Variants in AGAP1 observed in about 807,000 individuals in gnomAD.
AGAP1 encodes arf-GAP with GTPase, ANK repeat and PH domain-containing protein 1.
A neutral mutation model predicts 105.3 loss-of-function variants in AGAP1; 29 were observed. The observed-to-expected ratio is 0.28, with a 90% CI of 0.21 to 0.38. The LOEUF is 0.38. Among genes scored for constraint, AGAP1 ranks in the 10% least tolerant of loss-of-function variants. AGAP1 has a pLI of 1.00. For synonymous variants in AGAP1, 509 were observed against 485.9 expected, an observed-to-expected ratio of 1.05 and a Z score of -0.63; for missense variants, 998 against 1,165.1, an observed-to-expected ratio of 0.86 and a Z score of 2.09.
chr2:235,592,275 G>A (rs530346911), intron 1 of AGAP1, among the ~76,000 whole-genome samples: 80 of 152,212 alleles, frequency 5.3e-4, no homozygotes, highest in African/African-American at 1.7e-3. Context: ...GGCACCACGC[G>A]CCAGAAGGAG....
At chr2:235,522,227 T>A (rs114311809) in intron 1 of AGAP1, among the ~76,000 whole-genome samples, 1,937 of 152,298 alleles carry the variant, frequency 0.013, 31 homozygotes, top group African/African-American at 0.044. Flanking sequence ...AAGCTGGAGC[T>A]GTGGACAGGG....
chr2:235,718,483 T>C, intron 3 of AGAP1: 1 of 765,962 alleles, frequency 1.3e-6, no homozygotes, highest in Non-Finnish European at 1.6e-6. Flanking sequence ...CCTTCCCTCC[T>C]TGTTCTGTGT....
rs918012003 is a variant in AGAP1, at chr2:235,965,216, T to C, written c.1484-3246T>C. Among the ~76,000 whole-genome samples the C allele has an allele frequency of 1.3e-5, 2 of 152,192 alleles. No homozygotes were observed. Among genetic ancestry groups the C allele is most frequent in the Non-Finnish European group, 2.9e-5 (2 of 68,030 alleles). On this transcript the variant is annotated intron_variant, in intron 12 of 17. Coordinates refer to ENST00000304032, the MANE Select transcript of AGAP1 (RefSeq NM_001037131.3). This position sits in a 1 kb window ranked among gnomAD's most constrained non-coding sequence, Gnocchi z 5.8. The stretch of plus-strand genomic sequence containing the variant: ...GGAATGCAAAGGTCAGAGTGAGTGC[T>C]GTTTCTTGGGAGCCGGCTGCCGGGA...
chr2:235,853,052 G>T (rs1056325348), intron 9 of AGAP1: 1 of 1,239,160 alleles, frequency 8.1e-7, no homozygotes, highest in African/African-American at 1.5e-5. Flanking sequence ...TTCTATAGCG[G>T]GCAATTCAGT....
In AGAP1 at chr2:235,793,497, C is replaced by T. The variant is rs780184982; in HGVS notation, c.674-4262C>T. On this transcript the variant is annotated intron_variant, in intron 6 of 17. Transcript: ENST00000304032. This position sits in a 1 kb window ranked among gnomAD's most constrained non-coding sequence, Gnocchi z 5.3. ...GTGCTGGCAGGGTGTTCGATTGCCA[C>T]ATGGTGGTGTCATGAGCAGTCCCAG... 6.6e-6 allele frequency among the ~76,000 whole-genome samples: 1 copy of T among 152,156 alleles called. No homozygotes were observed. Among genetic ancestry groups the T allele is most frequent in the Non-Finnish European group, 1.5e-5 (1 of 68,040 alleles).
At chr2:236,084,855 G>A (rs934548823) in intron 16 of AGAP1, among the ~76,000 whole-genome samples, 33 of 151,824 alleles carry the variant, frequency 2.2e-4, no homozygotes, top group African/African-American at 7.3e-4. Flanking sequence ...GTTGAGCCAA[G>A]ATCATGCCAT....
At position 235,792,631 on chromosome 2, in the gene AGAP1, ACT is replaced by A. The variant is rs1233380337; in HGVS notation, c.674-5125_674-5124del. Reference sequence around the variant, plus strand: ...GGCAGTGAAGACGAATTTCTGAGAAACTCTGGTGGTTGAACCAATCATCTGTT... The same window carrying A: ...GGCAGTGAAGACGAATTTCTGAGAAACTGGTGGTTGAACCAATCATCTGTT... On this transcript the variant is annotated intron_variant, in intron 6 of 17. Coordinates refer to ENST00000304032, the MANE Select transcript of AGAP1 (RefSeq NM_001037131.3). The surrounding 1 kb of genome is among the most constrained non-coding windows in gnomAD (Gnocchi z 5.3). 1.3e-5 allele frequency among the ~76,000 whole-genome samples: 2 copies of A among 151,952 alleles called. No individual in the cohort carries two copies. Among genetic ancestry groups the A allele is most frequent in the Non-Finnish European group, 2.9e-5 (2 of 67,992 alleles).
At chr2:235,794,226 C>A in intron 6 of AGAP1, among the ~76,000 whole-genome samples, 1 of 152,148 alleles carries the variant, frequency 6.6e-6, no homozygotes, top group East Asian at 1.9e-4. Flanking sequence ...TATCTTTTAT[C>A]TGTTAACCCA....
In AGAP1 at chr2:235,752,110, A is replaced by C. The variant is rs1460566762; in HGVS notation, c.673+1622A>C. ...CTGCCGAGGCCCCTGTGAATGTTGA[A>C]GTAAAGCGTCGTAGATGAAGGGTCC... On this transcript the variant is annotated intron_variant, in intron 6 of 17. Transcript: ENST00000304032. This position sits in a 1 kb window ranked among gnomAD's most constrained non-coding sequence, Gnocchi z 4.3. 6.6e-6 allele frequency among the ~76,000 whole-genome samples: 1 copy of C among 152,210 alleles called. No individual in the cohort carries two copies. The highest frequency in any genetic ancestry group is 2.4e-5 in the African/African-American group (1 of 41,456).
chr2:235,846,039 A>T (rs1961449147), intron 9 of AGAP1, among the ~76,000 whole-genome samples: 1 of 152,178 alleles, frequency 6.6e-6, no homozygotes, highest in African/African-American at 2.4e-5. Flanking sequence ...AAAAATTTTA[A>T]TTTCACTATA....
Position 235,767,329 on chromosome 2 carries a change from C to T in AGAP1, c.673+16841C>T, listed in dbSNP as rs371076080. Among the ~76,000 whole-genome samples the T allele has an allele frequency of 3.3e-4, 51 of 152,324 alleles. 1 individual carries two copies. The highest frequency in any genetic ancestry group is 6.0e-4 in the African/African-American group (25 of 41,578). Reference sequence around the variant, plus strand: ...TGATTGGCCAGGCACCTCACGTTAGCGTCTGCAGCCTTGAATCGGGAGGCA... The same window carrying T: ...TGATTGGCCAGGCACCTCACGTTAGTGTCTGCAGCCTTGAATCGGGAGGCA... On this transcript the variant is annotated intron_variant, in intron 6 of 17. Transcript: ENST00000304032.
At chr2:235,816,987 G>T (rs1326546219) in intron 9 of AGAP1, among the ~76,000 whole-genome samples, 1 of 152,192 alleles carries the variant, frequency 6.6e-6, no homozygotes, top group South Asian at 2.1e-4. Flanking sequence ...GTTCCTGACA[G>T]CAGACTCAGT....
intron 11 of AGAP1, among the ~76,000 whole-genome samples, chr2:235,916,473 T>C (rs557367401): frequency 3.9e-5 from 6 of 152,262 alleles, no homozygotes; most frequent in African/African-American, 1.2e-4. Context: ...CAATGCAGAG[T>C]TGTATTAGCT....
At chr2:235,670,351 T>C in intron 1 of AGAP1, 3 of 512,992 alleles carry the variant, frequency 5.8e-6, no homozygotes, top group Non-Finnish European at 1.0e-5. Context: ...AACCGGAGGG[T>C]CCCCGGCCGC....
rs567442372 is a variant in AGAP1 at position 235,644,300 on chromosome 2, C to T, written c.164-64879C>T. Reference sequence around the variant, plus strand: ...TGAGAGTGGGAAGAACGGAGCGGAGCCTGTTGCCAGCGCGATCTCTGTCCC... The same window carrying T: ...TGAGAGTGGGAAGAACGGAGCGGAGTCTGTTGCCAGCGCGATCTCTGTCCC... On this transcript the variant is annotated intron_variant, in intron 1 of 17. Transcript: ENST00000304032. Among the ~76,000 whole-genome samples, 9 of 152,274 alleles carry T rather than the reference C, an allele frequency of 5.9e-5. No homozygotes were observed. The East Asian group carries it at 9.6e-4, about 16-fold the overall frequency.
intron 16 of AGAP1, among the ~76,000 whole-genome samples, chr2:236,100,833 A>G (rs555188493): frequency 1.6e-4 from 21 of 134,972 alleles, no homozygotes; most frequent in African/African-American, 5.5e-4. Flanking sequence ...CCCTCTCAAG[A>G]AAAAAAAAAA....
In AGAP1 at chr2:235,988,662, G is replaced by T. The variant is rs1404052235; in HGVS notation, c.1645+20039G>T. Among the ~76,000 whole-genome samples the T allele has an allele frequency of 6.6e-6, 1 of 152,096 alleles. No individual in the cohort carries two copies. Among genetic ancestry groups the T allele is most frequent in the Non-Finnish European group, 1.5e-5 (1 of 68,028 alleles). Reference sequence around the variant, plus strand: ...CCTGTAACTTTCCAGTAATGAGGGGGCCCAGTGGGTAAATGGAATCTTAAA... The same window carrying T: ...CCTGTAACTTTCCAGTAATGAGGGGTCCCAGTGGGTAAATGGAATCTTAAA... On this transcript the variant is annotated intron_variant, in intron 13 of 17. Transcript: ENST00000304032. The surrounding 1 kb of genome is among the most constrained non-coding windows in gnomAD (Gnocchi z 4.7).
chr2:235,920,348 G>A (rs2052119958), intron 11 of AGAP1, among the ~76,000 whole-genome samples: 1 of 152,174 alleles, frequency 6.6e-6, no homozygotes, highest in Admixed American at 6.5e-5. Context: ...ACCCAGGGAT[G>A]GGAGGGAAGG....
At chr2:236,081,935 G>T (rs1478626114) in intron 16 of AGAP1, among the ~76,000 whole-genome samples, 2 of 152,070 alleles carry the variant, frequency 1.3e-5, no homozygotes, top group Non-Finnish European at 2.9e-5. Context: ...CGAGAAAGGG[G>T]GATGGAACCC....
Sources: gnomAD v4.1 joint callset for allele counts (sites outside exome capture counted in the v4.1 genomes callset) on GRCh38, gnomAD v4.1.1 for gene constraint, Gnocchi (gnomAD v3.1) non-coding constraint, MANE v1.5 for transcripts, NCBI Gene and HGNC (gene_info 2026-07-23, HGNC 2026-07-21) for gene names.